MRNIP: variants seen among roughly 807,000 people sequenced by gnomAD.
MRNIP encodes the protein MRN complex-interacting protein.
A neutral mutation model predicts 29.8 loss-of-function variants in MRNIP; 30 were observed. The ratio of observed to expected loss-of-function variants is 1.01; its 90% confidence interval spans 0.75 to 1.36. The LOEUF (loss-of-function observed/expected upper bound fraction) is 1.36. MRNIP is among the 40% of genes most tolerant of loss of function. The pLI, the probability that MRNIP is intolerant of heterozygous loss-of-function variation, is 0.00. For synonymous variants in MRNIP, 201 were observed against 164.1 expected (o/e 1.23, Z -1.72); for missense variants, 459 against 423.5 (o/e 1.08, Z -0.74).
intron 4 of MRNIP, among the ~76,000 whole-genome samples, chr5:179,843,068 A>AGGGG (rs1758979754): frequency 1.1e-5 from 1 of 94,028 alleles, no homozygotes; most frequent in Non-Finnish European, 2.1e-5. Context: ...GAAGGGAGGG[A>AGGGG]GGGAGGGAGG....
intron 1 of MRNIP, among the ~76,000 whole-genome samples, chr5:179,855,578 C>T (rs1342435783): frequency 2.0e-5 from 3 of 152,142 alleles, no homozygotes. Flanking sequence ...CTAATTAGAA[C>T]ACATAATTGA....
At chr5:179,840,768 C>T (rs1758843682) in intron 6 of MRNIP, 104 bp downstream of exon 6, 1 of 880,958 alleles carries the variant, frequency 1.1e-6, no homozygotes, top group African/African-American at 1.7e-5. Context: ...GATGGGCTTT[C>T]TGCGGGTAGG....
rs778576827 is a variant in MRNIP at position 179,837,798 on chromosome 5, T to C, written c.625A>G (p.Arg209Gly). The C allele has an allele frequency of 6.8e-6, 11 of 1,613,938 alleles. No homozygotes were observed. The highest frequency in any genetic ancestry group is 1.1e-5 in the South Asian group (1 of 91,088). ...CTCCATAGCTCCTTCCCAGGACCCCTCAGCTCCCCGGCACTGCAGTCTGCA... is the reference window on the plus strand; with the variant it reads ...CTCCATAGCTCCTTCCCAGGACCCCCCAGCTCCCCGGCACTGCAGTCTGCA... Reference protein sequence around the residue: ...NSADCSAGELRGPGKELWSPI... With the variant: ...NSADCSAGELGGPGKELWSPI... The change falls in exon 7 of 7, where the codon AGG becomes GGG. Residue 209 changes from arginine to glycine, a missense_variant. Arg to Gly is a moderately radical substitution (Grantham distance 125, BLOSUM62 -2). Coordinates refer to ENST00000292586, the MANE Select transcript of MRNIP (RefSeq NM_016175.4).
rs777454054 is a variant in MRNIP at position 179,847,974 on chromosome 5, G to A, written c.215+4C>T. On this transcript the variant is annotated splice_donor_region_variant and intron_variant, in intron 3 of 6. Transcript: ENST00000292586. ...ACAACCACGCTCTTCTCAAACAACT[G>A]TACCTGAGTGGCAGCTCTGAAACTT... 7 of 1,598,780 alleles carry A rather than the reference G, an allele frequency of 4.4e-6. No homozygotes were observed. Among genetic ancestry groups the A allele is most frequent in the South Asian group, 1.1e-5 (1 of 90,608 alleles).
intron 1 of MRNIP, 68 bp from the exon 2 acceptor site, chr5:179,853,505 G>A (rs1226045142): frequency 3.8e-6 from 5 of 1,321,230 alleles, no homozygotes; most frequent in Middle Eastern, 1.9e-4. Context: ...GGCTGGACTC[G>A]GTGGCTCATG....
chr5:179,851,754 A>G (rs908933060), intron 2 of MRNIP, among the ~76,000 whole-genome samples: 18 of 152,194 alleles, frequency 1.2e-4, no homozygotes, highest in East Asian at 7.7e-4. Flanking sequence ...CAAGGTGGGC[A>G]GATCACGAGG....
At position 179,847,920 on chromosome 5, in the gene MRNIP, T is replaced by G. The variant is rs1759199065; in HGVS notation, c.215+58A>C. The G allele has an allele frequency of 1.7e-5, 20 of 1,154,982 alleles. 1 individual carries two copies. In the South Asian group the frequency reaches 2.7e-4, roughly 16 times the overall value. 71.5% of individuals were successfully genotyped at this position (1,154,982 alleles called of 1,614,324 possible). ...TCAGGATTTCCACTGTGTACTTCTA[T>G]TATCCAGTCAAGACGAAAACAGGGC... is the stretch of plus-strand genomic sequence containing the variant. On this transcript the variant is annotated intron_variant, in intron 3 of 6. Coordinates refer to ENST00000292586, the MANE Select transcript of MRNIP (RefSeq NM_016175.4).
chr5:179,842,509 T>G (rs1582041330), intron 4 of MRNIP, among the ~76,000 whole-genome samples: 1 of 139,428 alleles, frequency 7.2e-6, no homozygotes, highest in African/African-American at 2.7e-5. Context: ...TGAAACCCCG[T>G]CTCTACTAAA....
chr5:179,847,704 A>G (rs1314581890), intron 3 of MRNIP: 1 of 326,412 alleles, frequency 3.1e-6, no homozygotes, highest in Non-Finnish European at 5.7e-6. Context: ...GCACAGAGCA[A>G]TGGCCTGCCA....
chr5:179,851,413 T>C, intron 2 of MRNIP: 1 of 456,052 alleles, frequency 2.2e-6, no homozygotes, highest in Non-Finnish European at 4.4e-6. Flanking sequence ...GCAGAGAATC[T>C]GACTGAACAG....
At position 179,854,775 on chromosome 5, in the gene MRNIP, ATTC is replaced by A. The variant is rs1008663283; in HGVS notation, c.67-1341_67-1339del. Among the ~76,000 whole-genome samples, 621 of 152,150 alleles carry A rather than the reference ATTC, an allele frequency of 4.1e-3. 6 individuals carry two copies. The highest frequency in any genetic ancestry group is 0.014 in the African/African-American group (588 of 41,488). ...GTAAAAAAAATTCCATAATATTTAA[ATTC>A]TTGTTAAACTTGGGTCTAAAAAAAA... On this transcript the variant is annotated intron_variant, in intron 1 of 6. Transcript: ENST00000292586.
intron 4 of MRNIP, 75 bp from the exon 5 acceptor site, chr5:179,842,139 C>T: frequency 1.4e-6 from 2 of 1,447,164 alleles, no homozygotes; most frequent in Non-Finnish European, 1.9e-6. Context: ...TAGCCCAACT[C>T]TTGGGCCTGA....
At chr5:179,838,175 G>A (rs1192667471) in intron 6 of MRNIP, 2 of 482,626 alleles carry the variant, frequency 4.1e-6, no homozygotes, top group Non-Finnish European at 7.5e-6. Context: ...CAGGTTACCG[G>A]TGCCTACAAA....
intron 1 of MRNIP, among the ~76,000 whole-genome samples, chr5:179,856,926 C>T (rs576027473): frequency 6.6e-6 from 1 of 151,958 alleles, no homozygotes; most frequent in Admixed American, 6.6e-5. Flanking sequence ...CTCATTCCTA[C>T]AAAAAATATA....
chr5:179,838,044 ACAAAG>A, intron 6 of MRNIP, 159 bp from the exon 7 acceptor site: 1 of 668,980 alleles, frequency 1.5e-6, no homozygotes, highest in Non-Finnish European at 2.5e-6. Context: ...GGTTAGCAAG[ACAAAG>A]CAAATAAATG....
intron 5 of MRNIP, 57 bp downstream of exon 5, chr5:179,841,850 A>G: frequency 1.9e-6 from 3 of 1,549,050 alleles, no homozygotes; most frequent in Non-Finnish European, 1.8e-6. Flanking sequence ...CTGGTGCCCC[A>G]CTGCTGGAGG....
chr5:179,848,640 G>A (rs903406839), intron 2 of MRNIP, among the ~76,000 whole-genome samples: 2 of 152,166 alleles, frequency 1.3e-5, no homozygotes, highest in Non-Finnish European at 2.9e-5. Flanking sequence ...AAACAAGTGA[G>A]CCATATAACC....
intron 2 of MRNIP, among the ~76,000 whole-genome samples, chr5:179,848,717 C>A (rs1409294852): frequency 1.3e-5 from 2 of 152,186 alleles, no homozygotes; most frequent in Non-Finnish European, 2.9e-5. Flanking sequence ...TAAGAGCATA[C>A]CGTTTTACAT....
intron 2 of MRNIP, among the ~76,000 whole-genome samples, chr5:179,849,999 A>AC (rs1023099707): frequency 6.6e-6 from 1 of 151,326 alleles, no homozygotes; most frequent in Non-Finnish European, 1.5e-5. Flanking sequence ...AGATGGTACG[A>AC]GACGGAATTT....
Sources: gnomAD v4.1 joint callset for allele counts (sites outside exome capture counted in the v4.1 genomes callset) on GRCh38, gnomAD v4.1.1 for gene constraint, MANE v1.5 for transcripts, NCBI Gene and HGNC (gene_info 2026-07-23, HGNC 2026-07-21) for gene names.